The following PRXL2C variants were observed in gnomAD, a reference collection of about 807,000 sequenced individuals.
PRXL2C encodes peroxiredoxin-like 2C.
PRXL2C carries 38 observed loss-of-function variants against 24.9 expected under a neutral mutation model. The observed-to-expected ratio is 1.53, with a 90% CI of 1.18 to 2.00. The LOEUF (loss-of-function observed/expected upper bound fraction) is 2.00. PRXL2C is among the 30% of genes most tolerant of loss of function. The pLI is 0.00. For synonymous variants in PRXL2C, 98 were observed against 117.2 expected, an observed-to-expected ratio of 0.84 and a Z score of 1.06; for missense variants, 294 against 290.9, an observed-to-expected ratio of 1.01 and a Z score of -0.08.
intron 5 of PRXL2C, among the ~76,000 whole-genome samples, chr9:96,644,189 T>A (rs187334491): frequency 7.3e-5 from 11 of 151,394 alleles, no homozygotes; most frequent in Non-Finnish European, 1.0e-4. Flanking sequence ...ATAACTCTTA[T>A]AAGCTATGCT....
At position 96,641,829 on chromosome 9, in the gene PRXL2C, T is replaced by C. The variant is rs1848120930; in HGVS notation, c.611A>G (p.Asn204Ser). The C allele has an allele frequency of 6.4e-7, 1 of 1,567,598 alleles. No individual in the cohort carries two copies. The highest frequency in any genetic ancestry group is 1.2e-5 in the South Asian group (1 of 85,248). The change falls in exon 6 of 6, where the codon AAC becomes AGC. Residue 204 changes from asparagine (N) to serine (S), a missense_variant. Physicochemically the swap from Asn to Ser is conservative, Grantham distance 46 (BLOSUM62 1). Coordinates refer to ENST00000375234, the MANE Select transcript of PRXL2C (RefSeq NM_153698.2). ...DRNRLDHKPI[N>S]SVLQLVGVQH... ...AACTCCTACAAGCTGTAAAACAGAG[T>C]TGATAGGTTTGTGATCCAACCTATT...
At chr9:96,649,071 C>A (rs2119183818) in intron 4 of PRXL2C, among the ~76,000 whole-genome samples, 2 of 152,062 alleles carry the variant, frequency 1.3e-5, no homozygotes, top group Middle Eastern at 6.8e-3. Flanking sequence ...CCGCGCCCAG[C>A]CCTAAAGTGC....
intron 4 of PRXL2C, 116 bp from the exon 5 acceptor site, chr9:96,646,140 T>C (rs1324436748): frequency 2.1e-5 from 25 of 1,171,084 alleles, no homozygotes; most frequent in South Asian, 1.8e-4. Context: ...TTCTCAATCT[T>C]TTACCATCAA....
At position 96,641,860 on chromosome 9, in the gene PRXL2C, C is replaced by A; in HGVS notation, c.580G>T (p.Asp194Tyr). The A allele has an allele frequency of 6.6e-7, 1 of 1,516,008 alleles. No individual in the cohort carries two copies. The highest frequency in any genetic ancestry group is 9.0e-7 in the Non-Finnish European group (1 of 1,114,558). The allele number at this position is 1,516,008 out of a possible 1,614,324, so 93.9% of individuals were successfully genotyped here. A position where few individuals can be genotyped will look rare whatever the true frequency, so the allele number is the denominator to read the frequency against. ...GGTTTGTGATCCAACCTATTCCTAT[C>A]GCGGTGTATAAAATGGATGTTGTTA... ...PGNNIHFIHRDRNRLDHKPIN... is the reference protein window; with the variant it reads ...PGNNIHFIHRYRNRLDHKPIN... Residue 194 changes from aspartate to tyrosine, a missense_variant, in exon 6 of 6, where the codon GAT becomes TAT. Transcript: ENST00000375234.
intron 4 of PRXL2C, among the ~76,000 whole-genome samples, chr9:96,648,310 C>G (rs1280680762): frequency 6.6e-6 from 1 of 152,180 alleles, no homozygotes; most frequent in East Asian, 1.9e-4. Context: ...TGTTGTCAAG[C>G]ACAATCTAGT....
intron 5 of PRXL2C, among the ~76,000 whole-genome samples, chr9:96,643,916 C>T (rs899405338): frequency 4.6e-5 from 7 of 151,930 alleles, no homozygotes; most frequent in South Asian, 2.1e-4. Flanking sequence ...GGGCAGATCA[C>T]GAAGTCAAGT....
chr9:96,655,248 T>C lies in PRXL2C; in HGVS notation c.34A>G (p.Ser12Gly). The C allele has an allele frequency of 8.9e-7, 1 of 1,117,476 alleles. No homozygotes were observed. The highest frequency in any genetic ancestry group is 1.1e-6 in the Non-Finnish European group (1 of 916,004). The allele number at this position is 1,117,476 out of a possible 1,614,324, so 69.2% of individuals were successfully genotyped here. A position where few individuals can be genotyped will look rare whatever the true frequency, so the allele number is the denominator to read the frequency against. Residue 12 changes from serine to glycine, a missense_variant, in exon 1 of 6, where the codon AGC (serine) becomes GGC (glycine). Physicochemically the swap from Ser to Gly is moderately conservative, Grantham distance 56. Coordinates refer to ENST00000375234, the MANE Select transcript of PRXL2C (RefSeq NM_153698.2). ...AAPAPVTRQV[S>G]GAAALVPAPS... ...GCCGGGACCAGGGCGGCGGCGCCGCTAACCTGCCGCGTGACCGGGGCCGGC... is the reference window on the plus strand; with the variant it reads ...GCCGGGACCAGGGCGGCGGCGCCGCCAACCTGCCGCGTGACCGGGGCCGGC...
chr9:96,653,516 G>A (rs902439946), intron 2 of PRXL2C, among the ~76,000 whole-genome samples: 6 of 152,146 alleles, frequency 3.9e-5, no homozygotes, highest in African/African-American at 1.4e-4. Context: ...TTAGAGATCT[G>A]CTGCACACCA....
chr9:96,653,966 G>C (rs1481398372), intron 2 of PRXL2C, among the ~76,000 whole-genome samples: 2 of 151,816 alleles, frequency 1.3e-5, no homozygotes, highest in East Asian at 3.9e-4. Context: ...TCAGCCTCCC[G>C]AGTAGCTGGG....
At chr9:96,653,933 C>G (rs1325902990) in intron 2 of PRXL2C, among the ~76,000 whole-genome samples, 1 of 152,010 alleles carries the variant, frequency 6.6e-6, no homozygotes, top group Non-Finnish European at 1.5e-5. Flanking sequence ...CTCCGCCTCC[C>G]GGGTTCACGC....
At chr9:96,642,017 ATTCTC>A in intron 5 of PRXL2C, 131 bp from the exon 6 acceptor site, 38 of 622,414 alleles carry the variant, frequency 6.1e-5, no homozygotes, top group South Asian at 9.9e-5. Context: ...AGTGCATTAT[ATTCTC>A]TATATAATGC....
In PRXL2C at chr9:96,651,278, A is replaced by G; in HGVS notation, c.421+112T>C. The G allele has an allele frequency of 7.5e-6, 6 of 795,782 alleles. No individual in the cohort carries two copies. The South Asian group carries it at 1.2e-4, about 15-fold the overall frequency. The allele number at this position is 795,782 out of a possible 1,614,324, so 49.3% of individuals were successfully genotyped here. A position where few individuals can be genotyped will look rare whatever the true frequency, so the allele number is the denominator to read the frequency against. On this transcript the variant is annotated intron_variant, in intron 4 of 5. Coordinates refer to ENST00000375234, the MANE Select transcript of PRXL2C (RefSeq NM_153698.2). ...CAGCAACAGAGTGAGACTCCATCTC[A>G]AAAAAAACAAAAAAGCCTGATTTAT...
At chr9:96,650,850 G>A (rs937654738) in intron 4 of PRXL2C, among the ~76,000 whole-genome samples, 1 of 151,968 alleles carries the variant, frequency 6.6e-6, no homozygotes, top group African/African-American at 2.4e-5. Flanking sequence ...AATCCTTTTT[G>A]TTTTCACAAA....
intron 2 of PRXL2C, among the ~76,000 whole-genome samples, chr9:96,652,437 C>T (rs951990348): frequency 1.3e-5 from 2 of 151,258 alleles, no homozygotes; most frequent in Non-Finnish European, 2.9e-5. Flanking sequence ...AGGAGAATCA[C>T]TTGAACCTAG....
chr9:96,647,657 C>T (rs1052804414), intron 4 of PRXL2C, among the ~76,000 whole-genome samples: 4 of 151,928 alleles, frequency 2.6e-5, no homozygotes, highest in African/African-American at 9.7e-5. Context: ...TAAGTAGCTG[C>T]GACCACTGGT....
chr9:96,652,556 T>C (rs947631712), intron 2 of PRXL2C, among the ~76,000 whole-genome samples: 1 of 149,946 alleles, frequency 6.7e-6, no homozygotes, highest in Non-Finnish European at 1.5e-5. Context: ...CCAAGAGATA[T>C]ATGAAAAGAT....
intron 2 of PRXL2C, among the ~76,000 whole-genome samples, chr9:96,653,191 C>T (rs1171308388): frequency 6.6e-6 from 1 of 150,622 alleles, no homozygotes; most frequent in African/African-American, 2.5e-5. Context: ...CGCGCCACTG[C>T]ACTCCAGCCT....
At chr9:96,645,086 T>C (rs565836729) in intron 5 of PRXL2C, among the ~76,000 whole-genome samples, 7 of 151,224 alleles carry the variant, frequency 4.6e-5, no homozygotes, top group Admixed American at 2.0e-4. Flanking sequence ...TTTTTTTGTA[T>C]TTTTAGTAGA....
chr9:96,654,693 T>C lies in PRXL2C; in HGVS notation c.261+12A>G, dbSNP rs1420079256. ...GAAGCGGGCACTGGGCCGCCCACGC[T>C]GGGAAACTCACTTGTAAGAAACTCC... On this transcript the variant is annotated intron_variant, in intron 2 of 5. Transcript: ENST00000375234. 6.4e-7 allele frequency: 1 copy of C among 1,557,432 alleles called. No homozygotes were observed.
Sources: gnomAD v4.1 joint callset for allele counts (sites outside exome capture counted in the v4.1 genomes callset) on GRCh38, gnomAD v4.1.1 for gene constraint, MANE v1.5 for transcripts, NCBI Gene and HGNC (gene_info 2026-07-23, HGNC 2026-07-21) for gene names.